The following MARVELD3 variants were observed in gnomAD, a reference collection of about 807,000 sequenced individuals.
MARVELD3 encodes the protein MARVEL domain containing 3, also known as MARVEL domain-containing protein 3.
MARVELD3 carries 28 observed loss-of-function variants against 33.5 expected under a neutral mutation model. The ratio of observed to expected loss-of-function variants is 0.84; its 90% CI spans 0.62 to 1.15. The LOEUF (loss-of-function observed/expected upper bound fraction) is 1.15, where lower values mean the gene tolerates loss of function less well. Ranked by LOEUF, MARVELD3 falls within the 50% of genes most tolerant of loss-of-function variation. The probability of loss-of-function intolerance (pLI) is 0.00; values close to 1 mark genes in which losing one functional copy is unlikely to be tolerated. For synonymous variants in MARVELD3, 241 were observed against 230.4 expected (o/e 1.05, Z -0.42); for missense variants, 582 against 547.6 (o/e 1.06, Z -0.63).
Position 71,626,528 on chromosome 16 carries a change from G to T in MARVELD3, c.299G>T (p.Arg100Leu). ...RRDTHRDAGP[R>L]AGEHGVWEKP... The stretch of plus-strand genomic sequence containing the variant: ...GACACACACAGGGACGCGGGCCCTC[G>T]CGCAGGTGAACACGGAGTTTGGGAA... The change falls in exon 1 of 3, where the codon CGC becomes CTC. Residue 100 changes from arginine (R) to leucine (L), a missense_variant. Physicochemically the swap from Arg to Leu is moderately radical, Grantham distance 102. Coordinates refer to ENST00000268485, the MANE Select transcript of MARVELD3 (RefSeq NM_052858.6). The surrounding 1 kb of genome is among the most constrained non-coding windows in gnomAD (Gnocchi z 5.3). 1 of 1,549,670 alleles carries T rather than the reference G, an allele frequency of 6.5e-7. No homozygotes were observed. The highest frequency in any genetic ancestry group is 2.0e-5 in the Admixed American group (1 of 51,038).
downstream of MARVELD3, chr16:71,638,859 T>C (rs6499528): frequency 0.85 from 128,972 of 151,850 alleles, 54,935 homozygotes; most frequent in East Asian, 0.99. Context: ...AGCAGCACCA[T>C]GATGCAATCC....
chr16:71,636,715 C>T (rs1224499635), downstream of MARVELD3, among the ~76,000 whole-genome samples: 1 of 152,090 alleles, frequency 6.6e-6, no homozygotes, highest in Admixed American at 6.6e-5. Flanking sequence ...CTTAGCCTCC[C>T]GAGTCACTGG....
rs149016402 is a variant in MARVELD3 at position 71,629,379 on chromosome 16, G to A, written c.480G>A (p.Ser160=). 14 of 1,559,826 alleles carry A rather than the reference G, an allele frequency of 9.0e-6. No homozygotes were observed. The highest frequency in any genetic ancestry group is 7.5e-5 in the East Asian group (3 of 40,064). Residue 160 remains serine (S), a synonymous_variant, in exon 2 of 3, where the codon TCG becomes TCA. Coordinates refer to ENST00000268485, the MANE Select transcript of MARVELD3 (RefSeq NM_052858.6). ...GRRRPESEPP[S]ERYLPSTPRP... ...TTTTTGGTTATAGTGAACCCCCTTC[G>A]GAGAGATATCTGCCCTCGACCCCCA...
intron 2 of MARVELD3, 127 bp from the exon 3 acceptor site, chr16:71,634,066 C>A: frequency 6.9e-7 from 1 of 1,453,806 alleles, no homozygotes. Flanking sequence ...CTGCTTTGGC[C>A]TCGGGTCTTC....
chr16:71,632,443 T>A (rs895757970), intron 2 of MARVELD3, among the ~76,000 whole-genome samples: 5 of 152,136 alleles, frequency 3.3e-5, no homozygotes, highest in Non-Finnish European at 7.4e-5. Context: ...TGGGAAAATA[T>A]CACAGCCCAG....
intron 2 of MARVELD3, among the ~76,000 whole-genome samples, chr16:71,633,036 C>T (rs2044547844): frequency 2.0e-5 from 3 of 152,056 alleles, no homozygotes; most frequent in African/African-American, 7.2e-5. Flanking sequence ...GAACTCTCCC[C>T]TTACAAATTG....
downstream of MARVELD3, chr16:71,640,830 C>G: frequency 1.2e-6 from 2 of 1,614,248 alleles, no homozygotes; most frequent in Non-Finnish European, 1.7e-6. Flanking sequence ...CCGCAAGGGT[C>G]TCACCTGGAT....
Position 71,634,983 on chromosome 16 carries a change from G to C in MARVELD3, c.*180G>C. Reference sequence around the variant, plus strand: ...GGTGTTCATGGATGCAACAGACCCTGGCTTCTGGAGTCCTCTGTGAGTGAG... The same window carrying C: ...GGTGTTCATGGATGCAACAGACCCTCGCTTCTGGAGTCCTCTGTGAGTGAG... On this transcript the variant is annotated 3_prime_UTR_variant, in exon 3 of 3. Coordinates refer to ENST00000268485, the MANE Select transcript of MARVELD3 (RefSeq NM_052858.6). 7.2e-7 allele frequency: 1 copy of C among 1,386,426 alleles called. No individual in the cohort carries two copies. Among genetic ancestry groups the C allele is most frequent in the Non-Finnish European group, 9.3e-7 (1 of 1,071,736 alleles). The allele number at this position is 1,386,426 out of a possible 1,614,324, so 85.9% of individuals were successfully genotyped here.
At position 71,635,044 on chromosome 16, in the gene MARVELD3, A is replaced by G. The variant is rs2044570338; in HGVS notation, c.*241A>G. ...AAATTATTTTTCAAAAAGCAAAAAAATGGCCGGCCTCGGCGGCTCACACCT... is the reference window on the plus strand; with the variant it reads ...AAATTATTTTTCAAAAAGCAAAAAAGTGGCCGGCCTCGGCGGCTCACACCT... On this transcript the variant is annotated 3_prime_UTR_variant, in exon 3 of 3. Coordinates refer to ENST00000268485, the MANE Select transcript of MARVELD3 (RefSeq NM_052858.6). The G allele has an allele frequency of 9.2e-6, 11 of 1,197,882 alleles. No individual in the cohort carries two copies. The South Asian group carries it at 2.6e-4, about 28-fold the overall frequency. 74.2% of individuals were successfully genotyped at this position (1,197,882 alleles called of 1,614,324 possible). A position where few individuals can be genotyped will look rare whatever the true frequency, so the allele number is the denominator to read the frequency against.
Position 71,627,017 on chromosome 16 carries a change from A to G in MARVELD3, c.467+321A>G, listed in dbSNP as rs537750651. ...GGAGGAGACCAGGCGGGTGGGGTTC[A>G]CCCCAGGCTCCTCCCCGGCCCGGCC... On this transcript the variant is annotated intron_variant, in intron 1 of 2. Transcript: ENST00000268485. Among the ~76,000 whole-genome samples, 10 of 152,018 alleles carry G rather than the reference A, an allele frequency of 6.6e-5. No homozygotes were observed. In the South Asian group the frequency reaches 1.9e-3, roughly 28 times the overall value.
rs1567605376 is a variant in MARVELD3 at position 71,634,181 on chromosome 16, C to A, written c.596-12C>A. On this transcript the variant is annotated splice_polypyrimidine_tract_variant and intron_variant, in intron 2 of 2. Coordinates refer to ENST00000268485, the MANE Select transcript of MARVELD3 (RefSeq NM_052858.6). ...AGCATCACTCAAAAATGGTAACACC[C>A]TTTTTTTGCAGCCTGCTGCCAAATG... 1.3e-6 allele frequency: 2 copies of A among 1,587,872 alleles called. No individual in the cohort carries two copies.
At chr16:71,641,035 C>A (rs774098515), downstream of MARVELD3, 2 of 1,591,492 alleles carry the variant, frequency 1.3e-6, no homozygotes, top group African/African-American at 2.7e-5. Flanking sequence ...TGAGATCTTC[C>A]GGAACCTAAA....
chr16:71,629,626 G>A, intron 2 of MARVELD3, 132 bp downstream of exon 2: 2 of 553,036 alleles, frequency 3.6e-6, no homozygotes, highest in Admixed American at 3.9e-5. Context: ...CTGTACTTGT[G>A]AGGTTCTTGT....
intron 2 of MARVELD3, 148 bp downstream of exon 2, chr16:71,629,642 T>TAAAAAA (rs533759724): frequency 9.8e-5 from 32 of 325,480 alleles, no homozygotes; most frequent in Middle Eastern, 6.7e-4. Flanking sequence ...CTTGTTTTCT[T>TAAAAAA]AAAAAAAAAA....
chr16:71,633,843 C>T (rs1291036674), intron 2 of MARVELD3, among the ~76,000 whole-genome samples: 1 of 152,054 alleles, frequency 6.6e-6, no homozygotes, highest in Admixed American at 6.5e-5. Flanking sequence ...GGCCTTGTTT[C>T]ATCTTTCTGG....
intron 1 of MARVELD3, among the ~76,000 whole-genome samples, chr16:71,628,255 CCGGACG>C (rs1044756404): frequency 1.4e-4 from 21 of 152,300 alleles, no homozygotes; most frequent in Admixed American, 5.2e-4. Context: ...ACTGTCCGAG[CCGGACG>C]CGGTGGCTCA....
In MARVELD3 at chr16:71,634,794, T is replaced by C; in HGVS notation, c.1197T>C (p.Phe399=). ...TAAAAGAGAAGCCAGCAGAAATGTT[T>C]GAATTTTAAGGGTTTCTAAAACGCT... The part of the protein sequence containing the change: ...RKLKEKPAEM[F]EF The change falls in exon 3 of 3, where the codon TTT becomes TTC. Residue 399 remains phenylalanine (F), a synonymous_variant. Transcript: ENST00000268485. 1 of 1,596,936 alleles carries C rather than the reference T, an allele frequency of 6.3e-7. No individual in the cohort carries two copies. The highest frequency in any genetic ancestry group is 1.1e-5 in the South Asian group (1 of 89,324).
In MARVELD3 at chr16:71,626,955, G is replaced by C. The variant is rs2044479188; in HGVS notation, c.467+259G>C. 2.4e-6 allele frequency: 1 copy of C among 409,210 alleles called. No homozygotes were observed. The allele number at this position is 409,210 out of a possible 1,614,324, so 25.3% of individuals were successfully genotyped here. The stretch of plus-strand genomic sequence containing the variant: ...TGGCTGGGCTGGAGGACCTGGAGAA[G>C]AGAAAGAGAGGCCCCGGGACCCGAG... On this transcript the variant is annotated intron_variant, in intron 1 of 2. Coordinates refer to ENST00000268485, the MANE Select transcript of MARVELD3 (RefSeq NM_052858.6). This position sits in a 1 kb window ranked among gnomAD's most constrained non-coding sequence, Gnocchi z 5.3.
At chr16:71,627,503 C>CA (rs527720211) in intron 1 of MARVELD3, among the ~76,000 whole-genome samples, 28,309 of 100,224 alleles carry the variant, frequency 0.28, 3,013 homozygotes, top group South Asian at 0.52. Context: ...GACTCCGTCT[C>CA]AAAAAAAAAA....
Sources: allele counts gnomAD v4.1 joint callset (sites outside exome capture counted in the v4.1 genomes callset), GRCh38; gene constraint gnomAD v4.1.1; non-coding constraint Gnocchi (gnomAD v3.1); transcripts MANE v1.5; gene names NCBI Gene and HGNC (gene_info 2026-07-23, HGNC 2026-07-21).